NLGN4X: variants seen among roughly 807,000 people sequenced by gnomAD.
NLGN4X encodes neuroligin 4 X-linked, also known as neuroligin-4, X-linked.
Under a neutral mutation model 40.3 loss-of-function variants are expected in NLGN4X, and 3 were observed. The ratio of observed to expected loss-of-function variants is 0.07; its 90% CI spans 0.03 to 0.19. The LOEUF (loss-of-function observed/expected upper bound fraction) is 0.19, where lower values mean the gene tolerates loss of function less well. Among genes scored for constraint, NLGN4X ranks in the 10% least tolerant of loss-of-function variants. NLGN4X has a pLI of 1.00. For synonymous variants in NLGN4X, 270 were observed against 306.8 expected, an observed-to-expected ratio of 0.88 and a Z score of 1.25; for missense variants, 382 against 708.3, an observed-to-expected ratio of 0.54 and a Z score of 5.23.
intron 2 of NLGN4X, among the ~76,000 whole-genome samples, chrX:6,103,081 G>C (rs1261964313): frequency 8.9e-6 from 1 of 111,952 alleles, no homozygotes; most frequent in Non-Finnish European, 1.9e-5. Context: ...TGGGTGTGCA[G>C]GTGGTATCCT....
At chrX:5,905,238 A>G (rs919386522) in intron 4 of NLGN4X, among the ~76,000 whole-genome samples, 4 of 111,864 alleles carry the variant, frequency 3.6e-5, no homozygotes, top group Non-Finnish European at 7.5e-5. Context: ...ACATACATAA[A>G]ACATTTATTT....
intron 1 of NLGN4X, among the ~76,000 whole-genome samples, chrX:6,222,504 A>C (rs1490794238): frequency 1.8e-5 from 2 of 112,578 alleles, no homozygotes; most frequent in African/African-American, 6.4e-5. Context: ...TCCAGAGAGC[A>C]GTGAAAGCCT....
intron 2 of NLGN4X, chrX:6,032,629 A>AC: frequency 1.3e-6 from 1 of 770,296 alleles, no homozygotes; most frequent in Non-Finnish European, 1.8e-6. Context: ...GAAAAAAAAA[A>AC]AGAGAGATAG....
At chrX:5,996,207 A>G (rs2035812603) in intron 3 of NLGN4X, among the ~76,000 whole-genome samples, 1 of 112,115 alleles carries the variant, frequency 8.9e-6, no homozygotes, top group African/African-American at 3.2e-5. Flanking sequence ...AGAGATCACA[A>G]TGCAATCAGT....
At chrX:6,036,208 G>C (rs141756185) in intron 2 of NLGN4X, among the ~76,000 whole-genome samples, 321 of 111,276 alleles carry the variant, frequency 2.9e-3, no homozygotes, top group African/African-American at 0.01. Context: ...CTTTTCCAAG[G>C]TCTTTTTGAT....
chrX:5,928,510 GGTGTTTACATTTTATAACA>G (rs2033414816), intron 3 of NLGN4X, among the ~76,000 whole-genome samples: 1 of 111,882 alleles, frequency 8.9e-6, no homozygotes, highest in African/African-American at 3.3e-5. Flanking sequence ...GTATGATAGA[GGTGTTTACATTTTATAACA>G]GTGTACAAAT....
At chrX:5,912,856 G>C (rs2032545083) in intron 3 of NLGN4X, among the ~76,000 whole-genome samples, 1 of 90,853 alleles carries the variant, frequency 1.1e-5, no homozygotes, top group African/African-American at 4.1e-5. Context: ...AAGGAGGGAG[G>C]GAGGGAGAGC....
intron 1 of NLGN4X, among the ~76,000 whole-genome samples, chrX:6,221,785 T>C (rs7887235): frequency 0.33 from 36,629 of 109,436 alleles, 6,186 homozygotes; most frequent in African/African-American, 0.66. Flanking sequence ...CACAGTTCCA[T>C]GCTGAACAGC....
chrX:5,982,596 C>A (rs1445727986), intron 3 of NLGN4X, among the ~76,000 whole-genome samples: 1 of 111,956 alleles, frequency 8.9e-6, no homozygotes, highest in African/African-American at 3.2e-5. Context: ...TTTTTTAAGT[C>A]TCTTAAAAAC....
chrX:6,150,921 T>C lies in NLGN4X; in HGVS notation c.472+74A>G, dbSNP rs138967770. 1,938 of 862,758 alleles carry C rather than the reference T, an allele frequency of 2.2e-3. 16 individuals are homozygous for C. In the African/African-American group the frequency reaches 0.033, roughly 15 times the overall value. 71.1% of individuals were successfully genotyped at this position (862,758 alleles called of 1,213,427 possible). On this transcript the variant is annotated intron_variant, in intron 2 of 5. Transcript: ENST00000381095. Reference sequence around the variant, plus strand: ...ATAGAAGAGATCATGCATGAGACATTATAAAACCCTCCTAGCAAATCTCTC... The same window carrying C: ...ATAGAAGAGATCATGCATGAGACATCATAAAACCCTCCTAGCAAATCTCTC...
intron 2 of NLGN4X, among the ~76,000 whole-genome samples, chrX:6,093,987 T>C (rs1166393662): frequency 1.8e-5 from 2 of 111,490 alleles, no homozygotes; most frequent in African/African-American, 6.5e-5. Flanking sequence ...GATCAAAAAA[T>C]AGGAAAAACA....
chrX:6,177,889 C>A (rs145000554), intron 1 of NLGN4X, among the ~76,000 whole-genome samples: 1 of 109,851 alleles, frequency 9.1e-6, no homozygotes. Context: ...GAGGTTGGAG[C>A]CTCATGAATG....
chrX:6,052,039 A>G (rs1011822544), intron 2 of NLGN4X, among the ~76,000 whole-genome samples: 3 of 110,917 alleles, frequency 2.7e-5, no homozygotes, highest in Non-Finnish European at 5.7e-5. Flanking sequence ...CATGGCAAGA[A>G]GCTGCCTGGG....
chrX:6,078,761 TCAAGGTAATTAGATGG>T (rs1185778105), intron 2 of NLGN4X, among the ~76,000 whole-genome samples: 6 of 111,565 alleles, frequency 5.4e-5, no homozygotes, highest in Admixed American at 9.5e-5. Context: ...GGGTAGTTGA[TCAAGGTAATTAGATGG>T]CAAGTGATAT....
chrX:6,126,023 C>T (rs758227085), intron 2 of NLGN4X, among the ~76,000 whole-genome samples: 1 of 109,261 alleles, frequency 9.2e-6, no homozygotes, highest in South Asian at 3.9e-4. Flanking sequence ...GTGTTATTCC[C>T]GAAATTGAAT....
At chrX:5,937,259 TAG>T (rs1385395713) in intron 3 of NLGN4X, among the ~76,000 whole-genome samples, 1 of 110,760 alleles carries the variant, frequency 9.0e-6, no homozygotes, top group Non-Finnish European at 1.9e-5. Context: ...CTATTTTTTG[TAG>T]AGACAGGATT....
chrX:6,079,704 T>G (rs1296109862), intron 2 of NLGN4X, among the ~76,000 whole-genome samples: 3 of 112,306 alleles, frequency 2.7e-5, no homozygotes, highest in Admixed American at 9.4e-5. Flanking sequence ...ATCTTACACA[T>G]AGTAAGCACT....
intron 2 of NLGN4X, among the ~76,000 whole-genome samples, chrX:6,147,235 G>A (rs1161631415): frequency 8.9e-6 from 1 of 112,116 alleles, no homozygotes; most frequent in Non-Finnish European, 1.9e-5. Context: ...AAAAAGCACA[G>A]GTGTAGGTCA....
In NLGN4X at chrX:5,892,650, C is replaced by T. The variant is rs912708848; in HGVS notation, c.*167G>A. The T allele has an allele frequency of 9.6e-6, 6 of 626,916 alleles. No individual in the cohort carries two copies. The African/African-American group carries it at 1.3e-4, about 14-fold the overall frequency. The allele number at this position is 626,916 out of a possible 1,213,427, so 51.7% of individuals were successfully genotyped here. ...GGAAAACACCAACGATAAGGGTCTG[C>T]CGGGATGGGATGACTGCCTTTTTGC... On this transcript the variant is annotated 3_prime_UTR_variant, in exon 6 of 6. Transcript: ENST00000381095.
Sources: allele counts gnomAD v4.1 joint callset (sites outside exome capture counted in the v4.1 genomes callset), GRCh38; gene constraint gnomAD v4.1.1; transcripts MANE v1.5; gene names NCBI Gene and HGNC (gene_info 2026-07-23, HGNC 2026-07-21).